Variants in FAM3D observed in about 807,000 individuals in gnomAD.
The protein encoded by FAM3D is FAM3 metabolism regulating signaling molecule D.
In FAM3D, 26 loss-of-function variants were observed where a neutral mutation model predicts 29.8. That is an observed-to-expected ratio of 0.87 (90% CI 0.64 to 1.21). The LOEUF is 1.21. Among genes scored for constraint, FAM3D ranks in the 50% most tolerant of loss-of-function variants. FAM3D has a pLI of 0.00. For synonymous variants in FAM3D, 115 were observed against 102.3 expected, an observed-to-expected ratio of 1.12 and a Z score of -0.75; for missense variants, 253 against 290.9, an observed-to-expected ratio of 0.87 and a Z score of 0.95.
chr3:58,636,366 T>C lies in FAM3D; in HGVS notation c.513A>G (p.Lys171=), dbSNP rs1268865268. The change falls in exon 9 of 10, where the codon AAA becomes AAG. Residue 171 remains lysine, a synonymous_variant. Transcript: ENST00000358781. ...CCCAGCTGTCCCGGAAGCCCAGTTG[T>C]TTTGCGTAGGAACTCCCCAAGTCAG... ...LFSDLGSSYA[K]QLGFRDSWVF... is the part of the protein sequence containing the mutation. 1 of 1,614,192 alleles carries C rather than the reference T, an allele frequency of 6.2e-7. No homozygotes were observed. The highest frequency in any genetic ancestry group is 8.5e-7 in the Non-Finnish European group (1 of 1,180,032).
chr3:58,645,690 G>T, intron 4 of FAM3D, 64 bp from the exon 5 acceptor site: 1 of 1,381,662 alleles, frequency 7.2e-7, no homozygotes, highest in Non-Finnish European at 1.0e-6. Flanking sequence ...GGAGAAGGAG[G>T]GGAGGGCCAG....
At position 58,655,574 on chromosome 3, in the gene FAM3D, T is replaced by G; in HGVS notation, c.-11A>C. 6.2e-7 allele frequency: 1 copy of G among 1,613,138 alleles called. No individual in the cohort carries two copies. Among genetic ancestry groups the G allele is most frequent in the Non-Finnish European group, 8.5e-7 (1 of 1,179,536 alleles). ...ACCTGACACTCTCATCCTGTCCAGG[T>G]GAAGGGTGGCTTGGGGTCAGCTTCC... On this transcript the variant is annotated 5_prime_UTR_variant, in exon 2 of 10. Coordinates refer to ENST00000358781, the MANE Select transcript of FAM3D (RefSeq NM_138805.3).
At chr3:58,639,889 G>T (rs533340164) in intron 7 of FAM3D, among the ~76,000 whole-genome samples, 1 of 152,292 alleles carries the variant, frequency 6.6e-6, no homozygotes, top group South Asian at 2.1e-4. Context: ...CTTAAATAAA[G>T]CATTGCACTT....
chr3:58,649,104 AG>A (rs3833593), intron 4 of FAM3D, among the ~76,000 whole-genome samples: 3,116 of 152,182 alleles, frequency 0.02, 97 homozygotes, highest in East Asian at 0.11. Flanking sequence ...AATGACTGAG[AG>A]GGGGGCCACC....
intron 5 of FAM3D, 146 bp from the exon 6 acceptor site, chr3:58,643,866 T>C (rs752420724): frequency 9.3e-6 from 7 of 751,110 alleles, no homozygotes; most frequent in Middle Eastern, 3.3e-4. Flanking sequence ...CCATCTGTTT[T>C]CTCCTGAAAA....
intron 1 of FAM3D, among the ~76,000 whole-genome samples, chr3:58,660,105 G>A (rs1358504403): frequency 2.6e-5 from 4 of 152,196 alleles, no homozygotes; most frequent in Admixed American, 2.6e-4. Context: ...ATAGTGACAG[G>A]GCTGAGGGAG....
chr3:58,650,269 A>G lies in FAM3D; in HGVS notation c.122-931T>C, dbSNP rs369875607. On this transcript the variant is annotated intron_variant, in intron 3 of 9. Coordinates refer to ENST00000358781, the MANE Select transcript of FAM3D (RefSeq NM_138805.3). ...GTTCTCAGGGGCTGTCCATCTGGAA[A>G]TGTCCCTACCCCTTGCCTCCAAGGC... 1.2e-3 allele frequency among the ~76,000 whole-genome samples: 190 copies of G among 152,234 alleles called. 1 individual carries two copies. Among genetic ancestry groups the G allele is most frequent in the African/African-American group, 4.4e-3 (183 of 41,552 alleles).
chr3:58,649,108 G>A (rs1176228082), intron 4 of FAM3D, among the ~76,000 whole-genome samples: 1 of 152,174 alleles, frequency 6.6e-6, no homozygotes, highest in Non-Finnish European at 1.5e-5. Flanking sequence ...ACTGAGAGGG[G>A]GGCCACCCCT....
At position 58,634,216 on chromosome 3, in the gene FAM3D, T is replaced by G. The variant is rs1035166344; in HGVS notation, c.*63A>C. On this transcript the variant is annotated 3_prime_UTR_variant, in exon 10 of 10. Transcript: ENST00000358781. This position sits in a 1 kb window ranked among gnomAD's most constrained non-coding sequence, Gnocchi z 4.6. ...TCCTCCTCCTCAGCCCCTGCCGGGCTCTGACTCCTAAGTCAGGCAGGAGCT... is the reference window on the plus strand; with the variant it reads ...TCCTCCTCCTCAGCCCCTGCCGGGCGCTGACTCCTAAGTCAGGCAGGAGCT... 1 of 1,508,380 alleles carries G rather than the reference T, an allele frequency of 6.6e-7. No homozygotes were observed. The highest frequency in any genetic ancestry group is 1.4e-5 in the African/African-American group (1 of 72,384). The allele number at this position is 1,508,380 out of a possible 1,614,324, so 93.4% of individuals were successfully genotyped here.
chr3:58,635,645 C>G lies in FAM3D; in HGVS notation c.585+649G>C, dbSNP rs549045135. ...TTCGGGAACCACACCCGGCCGCCCC[C>G]GCCCACCGGCCTCCTGCGTTCTTCA... On this transcript the variant is annotated intron_variant, in intron 9 of 9. Coordinates refer to ENST00000358781, the MANE Select transcript of FAM3D (RefSeq NM_138805.3). This position sits in a 1 kb window ranked among gnomAD's most constrained non-coding sequence, Gnocchi z 5.2. Among the ~76,000 whole-genome samples, 18 of 152,350 alleles carry G rather than the reference C, an allele frequency of 1.2e-4. No individual in the cohort carries two copies. Among genetic ancestry groups the G allele is most frequent in the Non-Finnish European group, 2.4e-4 (16 of 68,034 alleles).
chr3:58,634,469 ATGT>A lies in FAM3D; in HGVS notation c.586-104_586-102del. 9.6e-7 allele frequency: 1 copy of A among 1,039,164 alleles called. No homozygotes were observed. 64.4% of individuals were successfully genotyped at this position (1,039,164 alleles called of 1,614,324 possible). ...CTCTAAACCTAAATGGGGGTGTGGG[ATGT>A]TATTAACCCACTTCACAGATGGGGA... On this transcript the variant is annotated intron_variant, in intron 9 of 9. Coordinates refer to ENST00000358781, the MANE Select transcript of FAM3D (RefSeq NM_138805.3). The surrounding 1 kb of genome is among the most constrained non-coding windows in gnomAD (Gnocchi z 4.6).
At chr3:58,654,802 G>A (rs1409569004) in intron 2 of FAM3D, among the ~76,000 whole-genome samples, 1 of 152,164 alleles carries the variant, frequency 6.6e-6, no homozygotes, top group African/African-American at 2.4e-5. Context: ...GCAGGTCTGT[G>A]GGGATCCCTG....
Position 58,635,222 on chromosome 3 carries a change from C to T in FAM3D, c.586-854G>A, listed in dbSNP as rs919530445. Among the ~76,000 whole-genome samples, 1 of 152,048 alleles carries T rather than the reference C, an allele frequency of 6.6e-6. No homozygotes were observed. Among genetic ancestry groups the T allele is most frequent in the African/African-American group, 2.4e-5 (1 of 41,378 alleles). On this transcript the variant is annotated intron_variant, in intron 9 of 9. Coordinates refer to ENST00000358781, the MANE Select transcript of FAM3D (RefSeq NM_138805.3). This position sits in a 1 kb window ranked among gnomAD's most constrained non-coding sequence, Gnocchi z 5.2. ...TAAGTATGTAAGAAGAATAAAATCA[C>T]TTAGGATTGTGTCTAAAATGCTCAG...
Position 58,653,741 on chromosome 3 carries a change from C to G in FAM3D, c.54G>C (p.Thr18=). 6.2e-7 allele frequency: 1 copy of G among 1,614,016 alleles called. No individual in the cohort carries two copies. The highest frequency in any genetic ancestry group is 8.5e-7 in the Non-Finnish European group (1 of 1,180,040). Residue 18 remains threonine, a synonymous_variant, in exon 3 of 10, where the codon ACG becomes ACC. Coordinates refer to ENST00000358781, the MANE Select transcript of FAM3D (RefSeq NM_138805.3). ...RLLALIFAIV[T]TWMFIRSYMS... The stretch of plus-strand genomic sequence containing the variant: ...TGTAGCTTCGAATAAACATCCATGT[C>G]GTGACTATGGCAAAGATGAGGGCCA...
chr3:58,654,691 T>A lies in FAM3D; in HGVS notation c.13+860A>T, dbSNP rs1017071697. On this transcript the variant is annotated intron_variant, in intron 2 of 9. Transcript: ENST00000358781. ...CCTCCCTCTGACCTCCCTGTTGGCA[T>A]CTCCCCTGCTCCCCAGCCCCGAATT... 3.4e-5 allele frequency among the ~76,000 whole-genome samples: 5 copies of A among 148,910 alleles called. No individual in the cohort carries two copies. The South Asian group carries it at 1.1e-3, about 32-fold the overall frequency.
At chr3:58,651,842 C>T (rs72877740) in intron 3 of FAM3D, among the ~76,000 whole-genome samples, 96 of 39,438 alleles carry the variant, frequency 2.4e-3, no homozygotes, top group African/African-American at 9.5e-3. Context: ...GTGGGGGGCG[C>T]GGGGGTGGGG....
chr3:58,645,480 A>ATAAAATAAAT (rs759273054), intron 5 of FAM3D, 29 bp downstream of exon 5: 103 of 1,466,468 alleles, frequency 7.0e-5, no homozygotes, highest in Non-Finnish European at 9.1e-5. Context: ...ATAAAATAAA[A>ATAAAATAAAT]TAAACATAGT....
chr3:58,658,371 CCACA>C (rs879626273), intron 1 of FAM3D, among the ~76,000 whole-genome samples: 2 of 152,196 alleles, frequency 1.3e-5, no homozygotes, highest in Non-Finnish European at 2.9e-5. Flanking sequence ...TTGTCTAGGG[CCACA>C]CAGTCAGTTG....
At chr3:58,640,086 G>A (rs143691300) in intron 7 of FAM3D, 41 bp downstream of exon 7, 42,505 of 1,608,350 alleles carry the variant, frequency 0.026, 930 homozygotes, top group South Asian at 0.086. Context: ...CCTCTGCACC[G>A]CACCCCCGAC....
Sources: gnomAD v4.1 joint callset for allele counts (sites outside exome capture counted in the v4.1 genomes callset) on GRCh38, gnomAD v4.1.1 for gene constraint, Gnocchi (gnomAD v3.1) non-coding constraint, MANE v1.5 for transcripts, NCBI Gene and HGNC (gene_info 2026-07-23, HGNC 2026-07-21) for gene names.